SYBU: variants seen among roughly 807,000 people sequenced by gnomAD.
The protein encoded by SYBU is GOLSYN A protein.
A neutral mutation model predicts 35.9 loss-of-function variants in SYBU; 21 were observed. That is an observed-to-expected ratio of 0.58 (90% CI 0.41 to 0.84). SYBU has a LOEUF of 0.84. SYBU is among the 40% of genes least tolerant of loss of function. The pLI is 0.00. For missense variants in SYBU, 768 were observed against 848.2 expected (o/e 0.91, Z 1.17); for synonymous variants, 319 against 324.3 (o/e 0.98, Z 0.18).
intron 1 of SYBU, among the ~76,000 whole-genome samples, chr8:109,689,335 T>A (rs1817591901): frequency 6.6e-6 from 1 of 152,142 alleles, no homozygotes; most frequent in South Asian, 2.1e-4. Flanking sequence ...TTAATTAATT[T>A]ATTAATTTAT....
At chr8:109,645,253 T>A (rs991073023), upstream of SYBU, 3 of 456,516 alleles carry the variant, frequency 6.6e-6, no homozygotes, top group African/African-American at 6.0e-5. Context: ...TCCCCACAAC[T>A]GCCTCGCCCG....
chr8:109,591,506 AT>A (rs1047402673), intron 3 of SYBU, among the ~76,000 whole-genome samples: 1,855 of 100,822 alleles, frequency 0.018, 12 homozygotes, highest in African/African-American at 0.059. Context: ...AAAAATGTAA[AT>A]TTTTTTTTTT....
chr8:109,610,180 T>C (rs781422905), intron 3 of SYBU, among the ~76,000 whole-genome samples: 11 of 152,104 alleles, frequency 7.2e-5, no homozygotes, highest in Non-Finnish European at 1.2e-4. Context: ...CTATCCCCCA[T>C]CACTCTCCAG....
At chr8:109,643,326 G>T in intron 1 of SYBU, 1 of 304,794 alleles carries the variant, frequency 3.3e-6, no homozygotes, top group Non-Finnish European at 4.8e-6. Flanking sequence ...ATAGCCTTCA[G>T]ACTTCCATTT....
chr8:109,638,857 A>G (rs962520089), intron 2 of SYBU, among the ~76,000 whole-genome samples: 10 of 152,166 alleles, frequency 6.6e-5, no homozygotes, highest in African/African-American at 2.2e-4. Context: ...ATCTTCAAAG[A>G]AATTTCGCTA....
intron 6 of SYBU, among the ~76,000 whole-genome samples, chr8:109,576,489 A>G (rs1236251056): frequency 1.3e-5 from 2 of 152,198 alleles, no homozygotes; most frequent in South Asian, 2.1e-4. Flanking sequence ...CCAAATGTCT[A>G]TAGTTTGTGG....
intron 2 of SYBU, among the ~76,000 whole-genome samples, chr8:109,636,214 C>A (rs2130576686): frequency 6.6e-6 from 1 of 152,306 alleles, no homozygotes; most frequent in African/African-American, 2.4e-5. Flanking sequence ...ATCTACTACA[C>A]CGCACTAATT....
intron 3 of SYBU, among the ~76,000 whole-genome samples, chr8:109,588,036 C>T (rs538965102): frequency 4.6e-4 from 70 of 152,296 alleles, no homozygotes; most frequent in African/African-American, 1.5e-3. Flanking sequence ...CTAACTCAAC[C>T]AGCTTTGTTT....
Position 109,591,578 on chromosome 8 carries a change from C to A in SYBU, c.428-5416G>T, listed in dbSNP as rs556919510. Among the ~76,000 whole-genome samples the A allele has an allele frequency of 6.9e-3, 875 of 127,156 alleles. 1 individual carries two copies. The highest frequency in any genetic ancestry group is 0.011 in the South Asian group (43 of 3,918). The allele number at this position is 127,156 out of a possible 152,430, so 83.4% of individuals were successfully genotyped here. A position where few individuals can be genotyped will look rare whatever the true frequency, so the allele number is the denominator to read the frequency against. ...CCAGGTGGGAGTGCAGTGGCGCAAT[C>A]TCGGCTCACTGCAAGCTCCGCCTCC... is the stretch of plus-strand genomic sequence containing the variant. On this transcript the variant is annotated intron_variant, in intron 3 of 6. Transcript: ENST00000276646.
chr8:109,619,933 T>G (rs1351839800), intron 2 of SYBU, among the ~76,000 whole-genome samples: 1 of 152,208 alleles, frequency 6.6e-6, no homozygotes, highest in African/African-American at 2.4e-5. Context: ...AAAATGATTT[T>G]TAGACTAGAA....
rs1178578667 is a variant in SYBU at position 109,642,771 on chromosome 8, A to G, written c.186T>C (p.Ser62=). ...EESREFNPSS[S]GRSARTVSSN... ...TGCTAACGGTCCTCGCTGAGCGCCC[A>G]GAGCTGCTGGGGTTGAACTCTCTGC... The change falls in exon 2 of 7, where the codon TCT becomes TCC. Residue 62 remains serine, a synonymous_variant. Transcript: ENST00000276646. 6.2e-7 allele frequency: 1 copy of G among 1,612,948 alleles called. No individual in the cohort carries two copies. The highest frequency in any genetic ancestry group is 8.5e-7 in the Non-Finnish European group (1 of 1,179,486).
In SYBU at chr8:109,652,940, G is replaced by A. The variant is rs540414382; in HGVS notation, c.-129+27771C>T. 3.9e-5 allele frequency among the ~76,000 whole-genome samples: 6 copies of A among 152,242 alleles called. No individual in the cohort carries two copies. The South Asian group carries it at 1.0e-3, about 26-fold the overall frequency. On this transcript the variant is annotated intron_variant, in intron 1 of 5. Coordinates refer to the SYBU transcript ENST00000408889. ...AATACATGCGTGGTTCTACTTCATAGGTCTATTTTGAGGATTAAATTCTAT... is the reference window on the plus strand; with the variant it reads ...AATACATGCGTGGTTCTACTTCATAAGTCTATTTTGAGGATTAAATTCTAT...
At chr8:109,688,521 C>T (rs1563782297) in intron 1 of SYBU, among the ~76,000 whole-genome samples, 2 of 152,106 alleles carry the variant, frequency 1.3e-5, no homozygotes, top group Admixed American at 1.3e-4. Context: ...GAAAAAACAC[C>T]CTGATGTTGG....
chr8:109,650,612 T>TGGCTG (rs1473785019), intron 1 of SYBU, among the ~76,000 whole-genome samples: 4 of 152,204 alleles, frequency 2.6e-5, no homozygotes, highest in Admixed American at 2.0e-4. Context: ...CTGTCCTTTA[T>TGGCTG]ACCTGAAATC....
At chr8:109,633,684 T>C (rs572418588) in intron 2 of SYBU, among the ~76,000 whole-genome samples, 9 of 152,276 alleles carry the variant, frequency 5.9e-5, no homozygotes, top group African/African-American at 1.7e-4. Flanking sequence ...TAGTGTCAAA[T>C]CAGACTCCTG....
rs184530608 is a variant in SYBU at position 109,584,338 on chromosome 8, T to G, written c.530+1722A>C. Reference sequence around the variant, plus strand: ...GACTAGAATATTTTCTCTTAGTCACTCTGTATTATTGACACAACCTTGGAA... The same window carrying G: ...GACTAGAATATTTTCTCTTAGTCACGCTGTATTATTGACACAACCTTGGAA... On this transcript the variant is annotated intron_variant, in intron 4 of 6. Coordinates refer to ENST00000276646, the MANE Select transcript of SYBU (RefSeq NM_001099754.2). This position sits in a 1 kb window ranked among gnomAD's most constrained non-coding sequence, Gnocchi z 4.0. Among the ~76,000 whole-genome samples, 1,105 of 152,358 alleles carry G rather than the reference T, an allele frequency of 7.3e-3. 11 individuals carry two copies. The highest frequency in any genetic ancestry group is 0.013 in the Non-Finnish European group (870 of 68,034).
At chr8:109,676,494 C>T (rs1286367156) in intron 1 of SYBU, among the ~76,000 whole-genome samples, 1 of 152,120 alleles carries the variant, frequency 6.6e-6, no homozygotes, top group Non-Finnish European at 1.5e-5. Context: ...CTCAGGAAAA[C>T]ACTGTCATTA....
At chr8:109,661,568 T>C (rs1777816530) in intron 1 of SYBU, among the ~76,000 whole-genome samples, 1 of 152,140 alleles carries the variant, frequency 6.6e-6, no homozygotes, top group Non-Finnish European at 1.5e-5. Flanking sequence ...GAAATGGCTT[T>C]AAAAAGTGCT....
chr8:109,591,167 G>C (rs1003730422), intron 3 of SYBU, among the ~76,000 whole-genome samples: 1 of 152,182 alleles, frequency 6.6e-6, no homozygotes. Context: ...TCCTGGGTGT[G>C]TCGAAGTGAA....
Sources: allele counts gnomAD v4.1 joint callset (sites outside exome capture counted in the v4.1 genomes callset), GRCh38; gene constraint gnomAD v4.1.1; non-coding constraint Gnocchi (gnomAD v3.1); transcripts MANE v1.5; gene names NCBI Gene and HGNC (gene_info 2026-07-23, HGNC 2026-07-21).